Variants in CPN1 observed in about 807,000 individuals in gnomAD.
CPN1 encodes the protein carboxypeptidase N subunit 1.
CPN1 carries 37 observed loss-of-function variants against 46.4 expected under a neutral mutation model. The observed-to-expected ratio is 0.80, with a 90% CI of 0.61 to 1.05. The LOEUF (loss-of-function observed/expected upper bound fraction) is 1.05, where lower values mean the gene tolerates loss of function less well. CPN1 is among the 50% of genes least tolerant of loss of function. The pLI is 0.00. For synonymous variants in CPN1, 224 were observed against 235.4 expected (o/e 0.95, Z 0.44); for missense variants, 563 against 602.6 (o/e 0.93, Z 0.69).
intron 7 of CPN1, among the ~76,000 whole-genome samples, chr10:100,052,563 C>A (rs1185692488): frequency 6.6e-6 from 1 of 151,978 alleles, no homozygotes; most frequent in Admixed American, 6.6e-5. Context: ...CCCACACTTG[C>A]TTGGATAGAG....
chr10:100,048,972 T>G (rs912951204), intron 7 of CPN1, 96 bp from the exon 8 acceptor site: 1 of 970,526 alleles, frequency 1.0e-6, no homozygotes, highest in Non-Finnish European at 1.6e-6. Flanking sequence ...CTTTTCTTTT[T>G]TTTTGAGACG....
chr10:100,052,297 C>CT (rs1454391757), intron 7 of CPN1, among the ~76,000 whole-genome samples: 1 of 152,128 alleles, frequency 6.6e-6, no homozygotes, highest in Non-Finnish European at 1.5e-5. Context: ...TTGCGAATTC[C>CT]TGAGCTCAGG....
At chr10:100,066,475 T>C (rs74152965) in intron 3 of CPN1, among the ~76,000 whole-genome samples, 3,961 of 152,342 alleles carry the variant, frequency 0.026, 71 homozygotes, top group East Asian at 0.07. Context: ...TATTGACATG[T>C]AGAACACACT....
chr10:100,047,233 A>G (rs560505872), intron 8 of CPN1, among the ~76,000 whole-genome samples: 5 of 152,204 alleles, frequency 3.3e-5, no homozygotes, highest in Non-Finnish European at 5.9e-5. Flanking sequence ...CTATGAAAGA[A>G]GAAGAGGAGG....
intron 2 of CPN1, among the ~76,000 whole-genome samples, chr10:100,072,137 G>A (rs576552441): frequency 1.3e-5 from 2 of 152,128 alleles, no homozygotes; most frequent in Non-Finnish European, 2.9e-5. Flanking sequence ...GAACTGCCGA[G>A]TCATAAGCTA....
At chr10:100,050,682 T>C (rs1049530737) in intron 7 of CPN1, among the ~76,000 whole-genome samples, 1 of 152,310 alleles carries the variant, frequency 6.6e-6, no homozygotes, top group Non-Finnish European at 1.5e-5. Context: ...TAGAGTGCAG[T>C]GGTGCTATCA....
intron 1 of CPN1, among the ~76,000 whole-genome samples, chr10:100,079,685 T>C (rs1238227540): frequency 1.3e-5 from 2 of 152,194 alleles, no homozygotes; most frequent in African/African-American, 4.8e-5. Flanking sequence ...GGCCAGTCCA[T>C]TGAGTGTGAG....
chr10:100,056,586 C>T (rs896208212), intron 6 of CPN1, among the ~76,000 whole-genome samples: 7 of 152,116 alleles, frequency 4.6e-5, no homozygotes, highest in Admixed American at 1.3e-4. Flanking sequence ...TGCTCTGCTG[C>T]CCAGGCTGGA....
intron 7 of CPN1, among the ~76,000 whole-genome samples, chr10:100,049,205 C>T (rs569285122): frequency 1.3e-5 from 2 of 150,822 alleles, no homozygotes; most frequent in Admixed American, 6.6e-5. Flanking sequence ...GTGATCTGCC[C>T]GCCTCAGCCT....
At chr10:100,042,686 G>T in intron 8 of CPN1, 113 bp from the exon 9 acceptor site, 1 of 1,328,922 alleles carries the variant, frequency 7.5e-7, no homozygotes, top group Non-Finnish European at 1.1e-6. Context: ...ACCCAGAGAA[G>T]CACTGGTGGT....
chr10:100,047,240 GAGGAAGAGGAGGAGGACA>G (rs1318323287), intron 8 of CPN1, among the ~76,000 whole-genome samples: 1 of 152,018 alleles, frequency 6.6e-6, no homozygotes, highest in Non-Finnish European at 1.5e-5. Flanking sequence ...AGAAGAAGAG[GAGGAAGAGGAGGAGGACA>G]AGGAAGAGGA....
chr10:100,045,887 C>T (rs948895311), intron 8 of CPN1, among the ~76,000 whole-genome samples: 1 of 152,106 alleles, frequency 6.6e-6, no homozygotes, highest in African/African-American at 2.4e-5. Context: ...GGGTTGTGTA[C>T]AGGAGTGAGG....
intron 5 of CPN1, among the ~76,000 whole-genome samples, chr10:100,057,991 A>G (rs995093689): frequency 1.7e-4 from 26 of 152,162 alleles, no homozygotes; most frequent in African/African-American, 6.3e-4. Flanking sequence ...GGAAACATCC[A>G]GCACCCCCTT....
chr10:100,065,956 T>G (rs925788183), intron 3 of CPN1, among the ~76,000 whole-genome samples: 13 of 151,952 alleles, frequency 8.6e-5, no homozygotes, highest in African/African-American at 1.2e-4. Flanking sequence ...AGAAGTTTTT[T>G]TTTTTGTTTT....
chr10:100,065,323 G>T lies in CPN1; in HGVS notation c.624C>A (p.Asn208Lys). The change falls in exon 4 of 9, where the codon AAC becomes AAA. Residue 208 changes from asparagine to lysine, a missense_variant. Asn to Lys is a moderately conservative substitution (Grantham distance 94, BLOSUM62 0). Coordinates refer to ENST00000370418, the MANE Select transcript of CPN1 (RefSeq NM_001308.3). Reference protein sequence around the residue: ...RAVIRWMHSFNFVLSANLHGG... With the variant: ...RAVIRWMHSFKFVLSANLHGG... Reference sequence around the variant, plus strand: ...CGTGGAGATTGGCTGAAAGAACAAAGTTGAAGGAGTGCATCCACCGGATCA... The same window carrying T: ...CGTGGAGATTGGCTGAAAGAACAAATTTGAAGGAGTGCATCCACCGGATCA... 1.9e-6 allele frequency: 3 copies of T among 1,614,198 alleles called. No individual in the cohort carries two copies. The highest frequency in any genetic ancestry group is 2.5e-6 in the Non-Finnish European group (3 of 1,180,026).
In CPN1 at chr10:100,042,306, T is replaced by A; in HGVS notation, c.*121A>T. 1 of 1,347,426 alleles carries A rather than the reference T, an allele frequency of 7.4e-7. No homozygotes were observed. The highest frequency in any genetic ancestry group is 1.1e-6 in the Non-Finnish European group (1 of 948,216). The allele number at this position is 1,347,426 out of a possible 1,614,324, so 83.5% of individuals were successfully genotyped here. On this transcript the variant is annotated 3_prime_UTR_variant, in exon 9 of 9. Transcript: ENST00000370418. ...CCCCTGGAACAGATGGAGACCATTC[T>A]GAATTGTTCTGAATATGTTTGTATT...
chr10:100,067,577 G>A (rs1408272556), intron 3 of CPN1, among the ~76,000 whole-genome samples: 1 of 152,204 alleles, frequency 6.6e-6, no homozygotes, highest in African/African-American at 2.4e-5. Context: ...CACCTGCTTT[G>A]CTTTTCTTTC....
intron 1 of CPN1, among the ~76,000 whole-genome samples, chr10:100,081,162 C>T (rs2041542396): frequency 6.6e-6 from 1 of 152,138 alleles, no homozygotes; most frequent in Admixed American, 6.5e-5. Context: ...CATCTTTTAC[C>T]ATTAAAGTTT....
chr10:100,065,810 G>T (rs1297292640), intron 3 of CPN1, among the ~76,000 whole-genome samples: 3 of 151,464 alleles, frequency 2.0e-5, no homozygotes, highest in Non-Finnish European at 2.9e-5. Flanking sequence ...CCCCTCTGGG[G>T]TGGGATGTTG....
Sources: gnomAD v4.1 joint callset for allele counts (sites outside exome capture counted in the v4.1 genomes callset) on GRCh38, gnomAD v4.1.1 for gene constraint, MANE v1.5 for transcripts, NCBI Gene and HGNC (gene_info 2026-07-23, HGNC 2026-07-21) for gene names.